Variants in DAB1 observed in about 807,000 individuals in gnomAD.
The protein encoded by DAB1 is disabled homolog 1.
In DAB1, 15 loss-of-function variants were observed where a neutral mutation model predicts 64.6. The ratio of observed to expected loss-of-function variants is 0.23; its 90% CI spans 0.16 to 0.36. DAB1 has a LOEUF of 0.36. Among genes scored for constraint, DAB1 ranks in the 10% least tolerant of loss-of-function variants. The pLI is 1.00. For synonymous variants in DAB1, 235 were observed against 251.9 expected, an observed-to-expected ratio of 0.93 and a Z score of 0.64; for missense variants, 596 against 706.7, an observed-to-expected ratio of 0.84 and a Z score of 1.78.
intron 6 of DAB1, among the ~76,000 whole-genome samples, chr1:57,772,487 C>T (rs2101831948): frequency 6.6e-6 from 1 of 152,224 alleles, no homozygotes; most frequent in East Asian, 1.9e-4. Flanking sequence ...TGTGAACATT[C>T]ATGTGCAGCT....
chr1:57,522,050 C>A (rs919166547), intron 7 of DAB1, among the ~76,000 whole-genome samples: 1 of 151,892 alleles, frequency 6.6e-6, no homozygotes, highest in African/African-American at 2.4e-5. Flanking sequence ...GTGGAGGTTG[C>A]AGTGAGCTGA....
At chr1:57,183,754 C>T (rs1663233013) in intron 2 of DAB1, among the ~76,000 whole-genome samples, 1 of 152,192 alleles carries the variant, frequency 6.6e-6, no homozygotes, top group African/African-American at 2.4e-5. Flanking sequence ...AAAACTTCCT[C>T]TCCTCAGAGG....
intron 4 of DAB1, among the ~76,000 whole-genome samples, chr1:57,100,175 A>G (rs1406426146): frequency 6.6e-6 from 1 of 152,204 alleles, no homozygotes; most frequent in Non-Finnish European, 1.5e-5. Context: ...CCCCATCTGT[A>G]AAATGAAGAT....
intron 2 of DAB1, among the ~76,000 whole-genome samples, chr1:57,282,673 G>A (rs891301251): frequency 2.0e-5 from 3 of 151,986 alleles, no homozygotes; most frequent in Admixed American, 1.3e-4. Flanking sequence ...CATATGATCA[G>A]TCTTACCATA....
At chr1:58,452,692 G>T (rs1156689497) in intron 3 of DAB1, among the ~76,000 whole-genome samples, 1 of 150,894 alleles carries the variant, frequency 6.6e-6, no homozygotes, top group East Asian at 1.9e-4. Context: ...TGGGCATGAT[G>T]GTGGGTGCCT....
At chr1:58,350,384 A>C (rs1199067081) in intron 3 of DAB1, among the ~76,000 whole-genome samples, 1 of 152,182 alleles carries the variant, frequency 6.6e-6, no homozygotes, top group Non-Finnish European at 1.5e-5. Context: ...AGATTGTAAA[A>C]AATTTTCTCC....
At chr1:58,542,915 T>C (rs1446846197) in intron 1 of DAB1, among the ~76,000 whole-genome samples, 1 of 151,960 alleles carries the variant, frequency 6.6e-6, no homozygotes, top group Non-Finnish European at 1.5e-5. Flanking sequence ...AGGGCATGTG[T>C]AAGTTGGGTC....
At chr1:57,542,202 G>A (rs1443275653) in intron 7 of DAB1, among the ~76,000 whole-genome samples, 2 of 152,084 alleles carry the variant, frequency 1.3e-5, no homozygotes, top group Non-Finnish European at 2.9e-5. Flanking sequence ...TTATTCATAA[G>A]TGTTGTTTAT....
intron 4 of DAB1, among the ~76,000 whole-genome samples, chr1:58,217,775 T>C (rs185682599): frequency 4.9e-4 from 75 of 152,318 alleles, no homozygotes; most frequent in African/African-American, 1.6e-3. Context: ...ATGCTTATTA[T>C]GTAGCATGCA....
chr1:57,068,838 T>C (rs1651182557), intron 8 of DAB1, among the ~76,000 whole-genome samples: 1 of 152,226 alleles, frequency 6.6e-6, no homozygotes, highest in Admixed American at 6.5e-5. Flanking sequence ...ATCTAGTTTA[T>C]AACATCTTCA....
intron 5 of DAB1, among the ~76,000 whole-genome samples, chr1:57,981,639 C>A (rs1646068210): frequency 6.6e-6 from 1 of 151,994 alleles, no homozygotes; most frequent in East Asian, 1.9e-4. Flanking sequence ...ATATTTTTTG[C>A]CTGCTTGTGA....
intron 9 of DAB1, among the ~76,000 whole-genome samples, chr1:57,048,939 G>A (rs561403057): frequency 2.0e-5 from 3 of 152,242 alleles, no homozygotes; most frequent in Middle Eastern, 3.4e-3. Flanking sequence ...TCCCTTTCCC[G>A]ATTTGCATTT....
intron 5 of DAB1, among the ~76,000 whole-genome samples, chr1:58,068,453 A>G (rs2100564923): frequency 6.6e-6 from 1 of 152,320 alleles, no homozygotes; most frequent in South Asian, 2.1e-4. Flanking sequence ...GAACCTCAAA[A>G]GAAAGATTAT....
At chr1:57,208,394 A>G (rs1413945977) in intron 2 of DAB1, among the ~76,000 whole-genome samples, 1 of 152,236 alleles carries the variant, frequency 6.6e-6, no homozygotes, top group African/African-American at 2.4e-5. Flanking sequence ...CAAGGGATAC[A>G]GTGAGGGATG....
At chr1:57,080,172 C>T (rs1160439534) in intron 4 of DAB1, among the ~76,000 whole-genome samples, 1 of 152,170 alleles carries the variant, frequency 6.6e-6, no homozygotes, top group Non-Finnish European at 1.5e-5. Context: ...CATTTATCTC[C>T]AGAAAATTTT....
intron 2 of DAB1, among the ~76,000 whole-genome samples, chr1:57,289,850 A>T (rs546388170): frequency 6.6e-6 from 1 of 152,010 alleles, no homozygotes; most frequent in South Asian, 2.1e-4. Context: ...CAGGGAGAAA[A>T]CACACACACA....
intron 7 of DAB1, among the ~76,000 whole-genome samples, chr1:57,460,567 C>G (rs892772350): frequency 1.3e-5 from 2 of 152,170 alleles, no homozygotes; most frequent in African/African-American, 4.8e-5. Flanking sequence ...CCTAATTTGG[C>G]CTGTTTGGAT....
At chr1:58,047,251 G>A (rs146847933) in intron 5 of DAB1, among the ~76,000 whole-genome samples, 38 of 152,294 alleles carry the variant, frequency 2.5e-4, no homozygotes, top group African/African-American at 8.9e-4. Context: ...AAAAAAACAG[G>A]TGAAATGAAT....
At chr1:58,162,860 G>T (rs1055271686) in intron 4 of DAB1, among the ~76,000 whole-genome samples, 4 of 152,186 alleles carry the variant, frequency 2.6e-5, no homozygotes, top group Non-Finnish European at 4.4e-5. Flanking sequence ...TCTATACCTA[G>T]ACTCTAGGTC....
Sources: allele counts gnomAD v4.1 joint callset (sites outside exome capture counted in the v4.1 genomes callset), GRCh38; gene constraint gnomAD v4.1.1; transcripts MANE v1.5; gene names NCBI Gene and HGNC (gene_info 2026-07-23, HGNC 2026-07-21).